The following SAMD13 variants were observed in gnomAD, a reference collection of about 807,000 sequenced individuals.
SAMD13 encodes sterile alpha motif domain containing 13, also known as sterile alpha motif domain-containing protein 13.
SAMD13 carries 9 observed loss-of-function variants against 12.4 expected under a neutral mutation model. The ratio of observed to expected loss-of-function variants is 0.72; its 90% CI spans 0.44 to 1.26. The LOEUF (loss-of-function observed/expected upper bound fraction) is 1.26, where lower values mean the gene tolerates loss of function less well. Among genes scored for constraint, SAMD13 ranks in the 50% most tolerant of loss-of-function variants. SAMD13 has a pLI of 0.00. For synonymous variants in SAMD13, 46 were observed against 45.4 expected (o/e 1.01, Z -0.05); for missense variants, 84 against 119.6 (o/e 0.70, Z 1.39).
intron 3 of SAMD13, among the ~76,000 whole-genome samples, chr1:84,330,525 G>A (rs1412460905): frequency 6.6e-6 from 1 of 152,148 alleles, no homozygotes; most frequent in Non-Finnish European, 1.5e-5. Flanking sequence ...GAACATTTAG[G>A]ATAAAGTTTG....
chr1:84,300,510 C>T (rs903040891), upstream of SAMD13, among the ~76,000 whole-genome samples: 1 of 152,178 alleles, frequency 6.6e-6, no homozygotes, highest in Non-Finnish European at 1.5e-5. Context: ...TCAGATTCTA[C>T]CTGAATTCTA....
chr1:84,325,359 T>C (rs541091383), intron 2 of SAMD13, among the ~76,000 whole-genome samples: 7 of 152,228 alleles, frequency 4.6e-5, no homozygotes, highest in African/African-American at 1.7e-4. Context: ...TGAGGTCATA[T>C]CGTAAAAGGC....
chr1:84,341,777 A>G (rs1679432003), intron 3 of SAMD13, among the ~76,000 whole-genome samples: 1 of 152,166 alleles, frequency 6.6e-6, no homozygotes, highest in Non-Finnish European at 1.5e-5. Flanking sequence ...TTGGGCTTTC[A>G]GTGTTGCAGA....
chr1:84,317,400 AT>A (rs957737703), intron 2 of SAMD13, among the ~76,000 whole-genome samples: 23 of 149,360 alleles, frequency 1.5e-4, no homozygotes, highest in South Asian at 6.4e-4. Flanking sequence ...CTTTGTTGAG[AT>A]TTTTTTTTTA....
chr1:84,332,514 A>G (rs2101810740), intron 3 of SAMD13, among the ~76,000 whole-genome samples: 1 of 152,246 alleles, frequency 6.6e-6, no homozygotes, highest in Middle Eastern at 3.4e-3. Flanking sequence ...TATGCTTATT[A>G]GACATATTTA....
chr1:84,349,589 TTTGG>T, intron 3 of SAMD13, 38 bp from the exon 4 acceptor site: 1 of 1,592,688 alleles, frequency 6.3e-7, no homozygotes, highest in South Asian at 1.1e-5. Context: ...TCCTTGAGCT[TTTGG>T]ACTCACATGT....
Position 84,350,340 on chromosome 1 carries a change from T to C in SAMD13, c.*566T>C, listed in dbSNP as rs1310869581. 6 of 152,202 alleles carry C rather than the reference T, an allele frequency of 3.9e-5. No individual in the cohort carries two copies. The highest frequency in any genetic ancestry group is 1.4e-4 in the African/African-American group (6 of 41,444). The allele number at this position is 152,202 out of a possible 1,614,324, so 9.4% of individuals were successfully genotyped here. On this transcript the variant is annotated 3_prime_UTR_variant, in exon 4 of 4. Transcript: ENST00000394834. ...CTGCAGTGTTTGAAATGAACATGCA[T>C]CATGGCCCCTTCAGGAGCAGAATCA...
chr1:84,315,537 C>T (rs1376963824), intron 2 of SAMD13, among the ~76,000 whole-genome samples: 1 of 152,182 alleles, frequency 6.6e-6, no homozygotes, highest in Non-Finnish European at 1.5e-5. Flanking sequence ...GGGATCCTCC[C>T]ATTTCAGCCT....
intron 2 of SAMD13, among the ~76,000 whole-genome samples, chr1:84,315,051 T>C (rs2101796485): frequency 6.6e-6 from 1 of 151,724 alleles, no homozygotes; most frequent in Non-Finnish European, 1.5e-5. Flanking sequence ...TGTTTTTCTT[T>C]CCTTCCTTCT....
At chr1:84,305,215 T>A (rs901261031) in intron 2 of SAMD13, among the ~76,000 whole-genome samples, 3 of 152,200 alleles carry the variant, frequency 2.0e-5, no homozygotes, top group African/African-American at 7.2e-5. Context: ...TTAGACATTA[T>A]ATCAGGTGTT....
intron 3 of SAMD13, among the ~76,000 whole-genome samples, chr1:84,348,461 A>C (rs1679579704): frequency 6.6e-6 from 1 of 152,160 alleles, no homozygotes; most frequent in Non-Finnish European, 1.5e-5. Flanking sequence ...GTACAGAAGT[A>C]TGTGGTTATA....
At chr1:84,299,534 A>G, upstream of SAMD13, 1 of 1,329,110 alleles carries the variant, frequency 7.5e-7, no homozygotes, top group South Asian at 1.7e-5. Flanking sequence ...CCCACACACA[A>G]AGTACACCAC....
At chr1:84,311,314 C>G (rs1185912327) in intron 2 of SAMD13, among the ~76,000 whole-genome samples, 2 of 129,520 alleles carry the variant, frequency 1.5e-5, no homozygotes, top group African/African-American at 6.0e-5. Flanking sequence ...CCAGCCTGGG[C>G]AACAGAGTGA....
At chr1:84,334,388 G>A (rs915367756) in intron 3 of SAMD13, among the ~76,000 whole-genome samples, 1 of 151,868 alleles carries the variant, frequency 6.6e-6, no homozygotes, top group South Asian at 2.1e-4. Flanking sequence ...TATTTCTATG[G>A]GGTTGATGGT....
upstream of SAMD13, chr1:84,301,641 C>A: frequency 4.1e-6 from 4 of 985,450 alleles, no homozygotes; most frequent in Non-Finnish European, 4.8e-6. Flanking sequence ...TGATTCCTAA[C>A]GTCATGTTGG....
intron 3 of SAMD13, among the ~76,000 whole-genome samples, chr1:84,342,187 G>A (rs903914111): frequency 2.0e-5 from 3 of 152,154 alleles, no homozygotes; most frequent in Admixed American, 1.3e-4. Flanking sequence ...AAAGAAGCCT[G>A]GGAAATCTGT....
chr1:84,304,243 T>C (rs962319723), intron 2 of SAMD13: 2 of 152,218 alleles, frequency 1.3e-5, no homozygotes, highest in African/African-American at 4.8e-5. Context: ...ATCAGTGCCA[T>C]ACTGCCATGC....
At chr1:84,315,321 A>G (rs944567786) in intron 2 of SAMD13, among the ~76,000 whole-genome samples, 4 of 152,170 alleles carry the variant, frequency 2.6e-5, no homozygotes, top group African/African-American at 9.7e-5. Context: ...TACCTCATAT[A>G]AGTGGAATCA....
intron 2 of SAMD13, among the ~76,000 whole-genome samples, chr1:84,316,566 C>A (rs924682725): frequency 8.5e-5 from 13 of 152,084 alleles, no homozygotes; most frequent in African/African-American, 3.1e-4. Context: ...CTCTTCTGTT[C>A]CATTGATCTA....
Sources: gnomAD v4.1 joint callset for allele counts (sites outside exome capture counted in the v4.1 genomes callset) on GRCh38, gnomAD v4.1.1 for gene constraint, MANE v1.5 for transcripts, NCBI Gene and HGNC (gene_info 2026-07-23, HGNC 2026-07-21) for gene names.